CHRM2: variants seen among roughly 807,000 people sequenced by gnomAD.
The protein encoded by CHRM2 is cholinergic receptor muscarinic 2, also known as muscarinic acetylcholine receptor M2.
CHRM2 carries 8 observed loss-of-function variants against 25.0 expected under a neutral mutation model. That is an observed-to-expected ratio of 0.32 (90% CI 0.19 to 0.58). CHRM2 has a LOEUF of 0.58. CHRM2 is among the 20% of genes least tolerant of loss of function. The probability of loss-of-function intolerance (pLI) is 0.88; values close to 1 mark genes in which losing one functional copy is unlikely to be tolerated. For missense variants in CHRM2, 440 were observed against 567.1 expected (o/e 0.78, Z 2.28); for synonymous variants, 202 against 205.7 (o/e 0.98, Z 0.15).
At position 136,969,174 on chromosome 7, in the gene CHRM2, A is replaced by G. The variant is rs1329364571; in HGVS notation, c.-124-23013A>G. ...AATAGCTGCAGGACACACACCTAGGATTAATGTTTTTAAAAAGACAACATG... is the reference window on the plus strand; with the variant it reads ...AATAGCTGCAGGACACACACCTAGGGTTAATGTTTTTAAAAAGACAACATG... On this transcript the variant is annotated intron_variant, in intron 2 of 3. Transcript: ENST00000680005. Among the ~76,000 whole-genome samples the G allele has an allele frequency of 6.6e-5, 10 of 152,274 alleles. 1 individual carries two copies. The South Asian group carries it at 2.1e-3, about 32-fold the overall frequency.
intron 2 of CHRM2, among the ~76,000 whole-genome samples, chr7:136,939,194 A>G (rs1354225389): frequency 6.6e-6 from 1 of 152,186 alleles, no homozygotes; most frequent in Non-Finnish European, 1.5e-5. Flanking sequence ...AGGTAATATC[A>G]ATCACCTCTT....
intron 2 of CHRM2, among the ~76,000 whole-genome samples, chr7:136,910,318 T>TA (rs1411066801): frequency 6.6e-6 from 1 of 151,938 alleles, no homozygotes; most frequent in Non-Finnish European, 1.5e-5. Flanking sequence ...ATTCTTTTAG[T>TA]AACATTCTAT....
In CHRM2 at chr7:137,017,917, CTAGT is replaced by C. The variant is rs556073209; in HGVS notation, c.*1654_*1657del. On this transcript the variant is annotated 3_prime_UTR_variant, in exon 4 of 4. Transcript: ENST00000680005. ...TAGGATTATACGGATTCACATACAA[CTAGT>C]TATTTTTATCCTTTATATTTTTCTT... is the stretch of plus-strand genomic sequence containing the variant. 19 of 151,994 alleles carry C rather than the reference CTAGT, an allele frequency of 1.3e-4. No individual in the cohort carries two copies. In the South Asian group the frequency reaches 3.9e-3, roughly 31 times the overall value. 9.4% of individuals were successfully genotyped at this position (151,994 alleles called of 1,614,324 possible). A position where few individuals can be genotyped will look rare whatever the true frequency, so the allele number is the denominator to read the frequency against.
chr7:136,903,895 T>C (rs1262602510), intron 2 of CHRM2, among the ~76,000 whole-genome samples: 1 of 151,856 alleles, frequency 6.6e-6, no homozygotes, highest in African/African-American at 2.4e-5. Context: ...TTATTTTTCT[T>C]GTATTGGAAT....
chr7:136,983,614 T>C (rs1391511261), intron 2 of CHRM2, among the ~76,000 whole-genome samples: 1 of 152,190 alleles, frequency 6.6e-6, no homozygotes, highest in Admixed American at 6.5e-5. Flanking sequence ...CAGATGGAGG[T>C]TTTACGTGGA....
At chr7:136,947,392 G>A (rs1348891798) in intron 2 of CHRM2, among the ~76,000 whole-genome samples, 1 of 152,136 alleles carries the variant, frequency 6.6e-6, no homozygotes, top group Non-Finnish European at 1.5e-5. Context: ...TAAATTGAAG[G>A]AAAACAATAC....
intron 2 of CHRM2, among the ~76,000 whole-genome samples, chr7:136,882,907 A>AT (rs1216713819): frequency 1.3e-5 from 2 of 152,086 alleles, no homozygotes; most frequent in Non-Finnish European, 2.9e-5. Flanking sequence ...TAAACAGTAT[A>AT]TTTTTTCCAT....
intron 2 of CHRM2, among the ~76,000 whole-genome samples, chr7:136,894,277 C>T (rs886882381): frequency 6.6e-6 from 1 of 152,040 alleles, no homozygotes; most frequent in Non-Finnish European, 1.5e-5. Context: ...TGAACAAAAC[C>T]GATCCCAAAT....
chr7:136,982,056 C>T (rs1802524554), intron 2 of CHRM2, among the ~76,000 whole-genome samples: 1 of 152,014 alleles, frequency 6.6e-6, no homozygotes. Context: ...TTAAAGTCTC[C>T]CACTACTATT....
rs1584930158 is a variant in CHRM2, at chr7:137,016,397, C to T, written c.*131C>T. ...GATTACAAAACGTGCAATTCAGGAG[C>T]CCAGCAGTGACACACTTATCACGCC... is the stretch of plus-strand genomic sequence containing the variant. On this transcript the variant is annotated 3_prime_UTR_variant, in exon 4 of 4. Transcript: ENST00000680005. The T allele has an allele frequency of 1.0e-6, 1 of 984,580 alleles. No individual in the cohort carries two copies. Among genetic ancestry groups the T allele is most frequent in the Non-Finnish European group, 1.6e-6 (1 of 644,048 alleles). The allele number at this position is 984,580 out of a possible 1,614,324, so 61.0% of individuals were successfully genotyped here.
chr7:136,918,947 G>T (rs1385863578), intron 2 of CHRM2, among the ~76,000 whole-genome samples: 1 of 152,104 alleles, frequency 6.6e-6, no homozygotes, highest in Non-Finnish European at 1.5e-5. Flanking sequence ...AAATCTGAGT[G>T]TACTGGATAA....
chr7:136,990,656 A>G (rs1029766781), intron 2 of CHRM2, among the ~76,000 whole-genome samples: 6 of 152,194 alleles, frequency 3.9e-5, no homozygotes, highest in African/African-American at 1.2e-4. Context: ...TATGGCAATT[A>G]TAAATAAAGC....
intron 2 of CHRM2, chr7:136,903,313 C>T (rs1158164177): frequency 1.9e-6 from 1 of 522,374 alleles, no homozygotes; most frequent in Non-Finnish European, 3.9e-6. Context: ...TTCCCAAGAA[C>T]TAAATGGGTG....
In CHRM2 at chr7:136,992,629, A is replaced by G. The variant is rs544846028; in HGVS notation, c.-47+365A>G. On this transcript the variant is annotated intron_variant, in intron 3 of 3. Coordinates refer to ENST00000680005, the MANE Select transcript of CHRM2 (RefSeq NM_001006630.2). ...CAAAATCTTCTGCCCTTAATGATGAATTTCCTCTAGAAGCAATATTTTAGT... is the reference window on the plus strand; with the variant it reads ...CAAAATCTTCTGCCCTTAATGATGAGTTTCCTCTAGAAGCAATATTTTAGT... 5.9e-5 allele frequency among the ~76,000 whole-genome samples: 9 copies of G among 152,258 alleles called. No individual in the cohort carries two copies. In the East Asian group the frequency reaches 1.7e-3, roughly 29 times the overall value.
intron 2 of CHRM2, among the ~76,000 whole-genome samples, chr7:136,874,742 T>C (rs1241274849): frequency 1.3e-5 from 2 of 152,032 alleles, no homozygotes; most frequent in East Asian, 3.9e-4. Flanking sequence ...AGAAGGACTT[T>C]GAATTAATAT....
At chr7:136,966,238 A>G (rs1384856567) in intron 2 of CHRM2, among the ~76,000 whole-genome samples, 2 of 151,858 alleles carry the variant, frequency 1.3e-5, no homozygotes, top group African/African-American at 4.8e-5. Context: ...AATTTAAAAG[A>G]ATGCGTTTTA....
intron 2 of CHRM2, among the ~76,000 whole-genome samples, chr7:136,952,578 CTT>C (rs11348809): frequency 7.9e-5 from 12 of 151,018 alleles, no homozygotes; most frequent in African/African-American, 1.5e-4. Context: ...TTTTTTAAAA[CTT>C]TTTTTTTTAA....
At chr7:136,928,898 G>A (rs771097481) in intron 2 of CHRM2, among the ~76,000 whole-genome samples, 4 of 152,156 alleles carry the variant, frequency 2.6e-5, no homozygotes, top group Non-Finnish European at 4.4e-5. Context: ...AACAAAAATA[G>A]CAGCTATCTC....
chr7:137,016,419 C>A lies in CHRM2; in HGVS notation c.*153C>A. The A allele has an allele frequency of 1.2e-6, 1 of 803,420 alleles. No homozygotes were observed. Among genetic ancestry groups the A allele is most frequent in the Non-Finnish European group, 2.0e-6 (1 of 499,134 alleles). 49.8% of individuals were successfully genotyped at this position (803,420 alleles called of 1,614,324 possible). On this transcript the variant is annotated 3_prime_UTR_variant, in exon 4 of 4. Transcript: ENST00000680005. ...GAGCCCAGCAGTGACACACTTATCA[C>A]GCCTAGGCTCCAGTTTGCAAAAATT...
Sources: allele counts gnomAD v4.1 joint callset (sites outside exome capture counted in the v4.1 genomes callset), GRCh38; gene constraint gnomAD v4.1.1; transcripts MANE v1.5; gene names NCBI Gene and HGNC (gene_info 2026-07-23, HGNC 2026-07-21).